The following P2RY14 variants were observed in gnomAD, a reference collection of about 807,000 sequenced individuals.
P2RY14 encodes the protein P2Y purinoceptor 14.
P2RY14 carries 2 observed loss-of-function variants against 0.9 expected under a neutral mutation model. The observed-to-expected ratio is 2.16, with a 90% CI of 0.88 to 6.79. P2RY14 has a LOEUF of 6.79. P2RY14 is among the 30% of genes most tolerant of loss of function. P2RY14 has a pLI of 0.05. For missense variants in P2RY14, 378 were observed against 400.1 expected, an observed-to-expected ratio of 0.94 and a Z score of 0.47; for synonymous variants, 158 against 147.2, an observed-to-expected ratio of 1.07 and a Z score of -0.53.
At chr3:151,243,371 G>A (rs1577090834) in intron 1 of P2RY14, among the ~76,000 whole-genome samples, 1 of 150,858 alleles carries the variant, frequency 6.6e-6, no homozygotes, top group Non-Finnish European at 1.5e-5. Flanking sequence ...AGAGAGAAAG[G>A]TCGGGTTACC....
intron 1 of P2RY14, among the ~76,000 whole-genome samples, chr3:151,224,583 TC>T (rs1233338138): frequency 2.0e-5 from 3 of 152,236 alleles, no homozygotes; most frequent in Non-Finnish European, 4.4e-5. Context: ...TGTTCTGCAT[TC>T]CTGTGGCACT....
chr3:151,218,591 G>A (rs570127189), intron 2 of P2RY14, among the ~76,000 whole-genome samples: 1 of 151,956 alleles, frequency 6.6e-6, no homozygotes, highest in Non-Finnish European at 1.5e-5. Context: ...TACTGTGGCC[G>A]GGCACGGTGG....
chr3:151,248,574 C>G (rs957575997), intron 1 of P2RY14, among the ~76,000 whole-genome samples: 1 of 152,026 alleles, frequency 6.6e-6, no homozygotes, highest in Admixed American at 6.6e-5. Flanking sequence ...CATACCCATC[C>G]GACTGTCTGG....
chr3:151,247,439 A>G (rs1735810997), intron 1 of P2RY14, among the ~76,000 whole-genome samples: 1 of 152,170 alleles, frequency 6.6e-6, no homozygotes, highest in South Asian at 2.1e-4. Context: ...AGCCATAAAA[A>G]TGATGAGTTC....
chr3:151,221,505 G>C (rs1729346062), intron 1 of P2RY14, among the ~76,000 whole-genome samples: 1 of 152,230 alleles, frequency 6.6e-6, no homozygotes, highest in African/African-American at 2.4e-5. Context: ...CAGGGTCTCT[G>C]TGCTGTGTGC....
chr3:151,261,394 T>A (rs1407309093), intron 1 of P2RY14: 1 of 152,104 alleles, frequency 6.6e-6, no homozygotes, highest in Non-Finnish European at 1.5e-5. Context: ...TACCTGGAAT[T>A]GTGGAGGGTA....
chr3:151,256,573 A>C (rs1253250745), intron 1 of P2RY14, among the ~76,000 whole-genome samples: 3 of 151,746 alleles, frequency 2.0e-5, no homozygotes, highest in African/African-American at 7.3e-5. Context: ...ATGTAGGCAA[A>C]ACATGTGGTC....
intron 1 of P2RY14, among the ~76,000 whole-genome samples, chr3:151,275,189 G>A (rs1024835093): frequency 3.9e-5 from 6 of 152,104 alleles, no homozygotes; most frequent in Non-Finnish European, 7.4e-5. Flanking sequence ...GTATGATCCT[G>A]GAGAGTATCG....
chr3:151,220,856 G>T (rs1350592951), intron 1 of P2RY14, among the ~76,000 whole-genome samples: 1 of 152,210 alleles, frequency 6.6e-6, no homozygotes, highest in Admixed American at 6.5e-5. Flanking sequence ...TGCTGAAAAG[G>T]TATCTGAAAA....
At chr3:151,222,875 T>C (rs946848847) in intron 1 of P2RY14, among the ~76,000 whole-genome samples, 3 of 152,198 alleles carry the variant, frequency 2.0e-5, no homozygotes, top group African/African-American at 7.2e-5. Flanking sequence ...ATATTCCAAG[T>C]AGGCCTGAAA....
At chr3:151,242,556 CCTGT>C (rs1734417110) in intron 1 of P2RY14, among the ~76,000 whole-genome samples, 1 of 152,208 alleles carries the variant, frequency 6.6e-6, no homozygotes. Context: ...AGCTGAGGGT[CCTGT>C]CTGTTACAAG....
chr3:151,227,089 T>A lies in P2RY14; in HGVS notation c.-132-7447A>T, dbSNP rs567437380. Among the ~76,000 whole-genome samples the A allele has an allele frequency of 3.3e-5, 5 of 152,332 alleles. No homozygotes were observed. The East Asian group carries it at 9.6e-4, about 29-fold the overall frequency. On this transcript the variant is annotated intron_variant, in intron 1 of 2. Coordinates refer to ENST00000309170, the MANE Select transcript of P2RY14 (RefSeq NM_014879.4). ...GATCAGGTCACTTGATCCTAACTCCTGCTGCTGTGACCCATCGACTTTACC... is the reference window on the plus strand; with the variant it reads ...GATCAGGTCACTTGATCCTAACTCCAGCTGCTGTGACCCATCGACTTTACC...
In P2RY14 at chr3:151,213,663, A is replaced by C; in HGVS notation, c.654T>G (p.Leu218=). ...AITKKIFKSH[L]KSSRNSTSVK... The stretch of plus-strand genomic sequence containing the variant: ...CCGAAGTGGAATTCCGACTTGACTT[A>C]AGGTGGGACTTAAAGATTTTCTTTG... Residue 218 remains leucine, a synonymous_variant, in exon 3 of 3, where the codon CTT becomes CTG. Coordinates refer to ENST00000309170, the MANE Select transcript of P2RY14 (RefSeq NM_014879.4). 1 of 1,614,226 alleles carries C rather than the reference A, an allele frequency of 6.2e-7. No homozygotes were observed. Among genetic ancestry groups the C allele is most frequent in the Non-Finnish European group, 8.5e-7 (1 of 1,180,024 alleles).
At chr3:151,239,425 C>T (rs979939598) in intron 1 of P2RY14, among the ~76,000 whole-genome samples, 1 of 152,180 alleles carries the variant, frequency 6.6e-6, no homozygotes, top group Non-Finnish European at 1.5e-5. Context: ...TTAACCTAAA[C>T]ATTTTGCAAG....
intron 1 of P2RY14, among the ~76,000 whole-genome samples, chr3:151,231,532 A>G (rs1310946556): frequency 6.6e-6 from 1 of 152,232 alleles, no homozygotes; most frequent in Non-Finnish European, 1.5e-5. Context: ...TCAATGAGCA[A>G]TCAGACAAAT....
intron 1 of P2RY14, among the ~76,000 whole-genome samples, chr3:151,230,568 C>T (rs1980143): frequency 0.55 from 81,687 of 149,580 alleles, 22,553 homozygotes; most frequent in Middle Eastern, 0.63. Flanking sequence ...TTTTACTCCA[C>T]GCTTTTTTTT....
intron 1 of P2RY14, among the ~76,000 whole-genome samples, chr3:151,267,349 A>G (rs1308752598): frequency 1.3e-5 from 2 of 152,234 alleles, no homozygotes; most frequent in Admixed American, 6.5e-5. Flanking sequence ...ATTTAAGTGT[A>G]TAATGTAATC....
At chr3:151,238,657 A>G (rs1733422262) in intron 1 of P2RY14, among the ~76,000 whole-genome samples, 1 of 151,104 alleles carries the variant, frequency 6.6e-6, no homozygotes, top group Admixed American at 6.6e-5. Context: ...TCAACTGTTC[A>G]TTGCATTTTA....
At chr3:151,277,421 T>G (rs1024470753) in intron 1 of P2RY14, among the ~76,000 whole-genome samples, 3 of 152,218 alleles carry the variant, frequency 2.0e-5, no homozygotes, top group East Asian at 1.9e-4. Context: ...GCTAGGTTTT[T>G]TTTTAGTGCT....
Sources: gnomAD v4.1 joint callset for allele counts (sites outside exome capture counted in the v4.1 genomes callset) on GRCh38, gnomAD v4.1.1 for gene constraint, MANE v1.5 for transcripts, NCBI Gene and HGNC (gene_info 2026-07-23, HGNC 2026-07-21) for gene names.